DNAL1: variants seen among roughly 807,000 people sequenced by gnomAD.
The protein encoded by DNAL1 is dynein axonemal light chain 1, also known as chromosome 14 open reading frame 168.
Under a neutral mutation model 29.4 loss-of-function variants are expected in DNAL1, and 17 were observed. The observed-to-expected ratio is 0.58, with a 90% CI of 0.40 to 0.87. The LOEUF is 0.87. DNAL1 is among the 40% of genes least tolerant of loss of function. The probability of loss-of-function intolerance (pLI) is 0.00; values close to 1 mark genes in which losing one functional copy is unlikely to be tolerated. For missense variants in DNAL1, 188 were observed against 214.1 expected, an observed-to-expected ratio of 0.88 and a Z score of 0.76; for synonymous variants, 78 against 76.3, an observed-to-expected ratio of 1.02 and a Z score of -0.12.
chr14:73,695,007 T>C (rs1892269188), intron 7 of DNAL1, among the ~76,000 whole-genome samples: 1 of 150,020 alleles, frequency 6.7e-6, no homozygotes, highest in Admixed American at 6.7e-5. Context: ...GCTTTTAACA[T>C]GTACAGAACT....
intron 5 of DNAL1, among the ~76,000 whole-genome samples, chr14:73,678,227 G>A (rs1226770537): frequency 6.6e-6 from 1 of 151,580 alleles, no homozygotes; most frequent in Admixed American, 6.6e-5. Context: ...TAGTCATTTA[G>A]GTTTCATCTT....
chr14:73,657,029 C>T (rs1891233618), intron 2 of DNAL1, among the ~76,000 whole-genome samples: 1 of 151,662 alleles, frequency 6.6e-6, no homozygotes, highest in South Asian at 2.1e-4. Flanking sequence ...AGTGATCCTC[C>T]CTGCTCAGCC....
Position 73,668,008 on chromosome 14 carries a change from T to G in DNAL1, c.209-3534T>G, listed in dbSNP as rs114283506. Among the ~76,000 whole-genome samples the G allele has an allele frequency of 8.0e-3, 1,226 of 152,338 alleles. 24 individuals are homozygous for G. Among genetic ancestry groups the G allele is most frequent in the African/African-American group, 0.028 (1,162 of 41,570 alleles). On this transcript the variant is annotated intron_variant, in intron 4 of 7. Coordinates refer to ENST00000553645, the MANE Select transcript of DNAL1 (RefSeq NM_031427.4). Reference sequence around the variant, plus strand: ...ATTACTCTTCCTTCATTCTCTCAGCTTATGCGGTCCTGCCTCAAAGCCTTT... The same window carrying G: ...ATTACTCTTCCTTCATTCTCTCAGCGTATGCGGTCCTGCCTCAAAGCCTTT...
chr14:73,693,189 TA>T (rs1158558863), intron 7 of DNAL1, among the ~76,000 whole-genome samples: 2 of 152,128 alleles, frequency 1.3e-5, no homozygotes, highest in African/African-American at 4.8e-5. Context: ...TACCAAATGC[TA>T]GTGAGGATGT....
intron 6 of DNAL1, among the ~76,000 whole-genome samples, chr14:73,688,592 C>G (rs1892080775): frequency 6.6e-6 from 1 of 152,048 alleles, no homozygotes; most frequent in African/African-American, 2.4e-5. Context: ...CATTGCACTC[C>G]AGCCTGGGTG....
intron 5 of DNAL1, among the ~76,000 whole-genome samples, chr14:73,679,219 C>A (rs2140050332): frequency 6.6e-6 from 1 of 152,250 alleles, no homozygotes; most frequent in East Asian, 1.9e-4. Flanking sequence ...CTGGTCTGGA[C>A]TCCTGACCTT....
intron 7 of DNAL1, among the ~76,000 whole-genome samples, chr14:73,692,611 A>G (rs1474061236): frequency 1.5e-5 from 2 of 136,952 alleles, no homozygotes; most frequent in Admixed American, 7.1e-5. Flanking sequence ...GTGAGCCGAG[A>G]AAAAAAAAAA....
intron 4 of DNAL1, among the ~76,000 whole-genome samples, chr14:73,665,668 G>A (rs796661530): frequency 3.3e-5 from 5 of 152,114 alleles, no homozygotes; most frequent in African/African-American, 1.2e-4. Context: ...GCGTGCGCCT[G>A]TAATCCCAGC....
rs998776511 is a variant in DNAL1 at position 73,703,156 on chromosome 14, T to C, written c.*7214T>C. On this transcript the variant is annotated 3_prime_UTR_variant, in exon 8 of 8. Transcript: ENST00000553645. ...TTCTGAGTTTATACAAAGAAAGCCT[T>C]AATTCAGATCATAAATATCCCATTG... 6.6e-6 allele frequency: 1 copy of C among 152,184 alleles called. No individual in the cohort carries two copies. The highest frequency in any genetic ancestry group is 1.5e-5 in the Non-Finnish European group (1 of 68,032). 9.4% of individuals were successfully genotyped at this position (152,184 alleles called of 1,614,324 possible).
chr14:73,659,930 C>G (rs1280043381), intron 3 of DNAL1, among the ~76,000 whole-genome samples: 2 of 152,052 alleles, frequency 1.3e-5, no homozygotes, highest in African/African-American at 2.4e-5. Flanking sequence ...TAATTGGGAT[C>G]AAATTATACT....
chr14:73,662,143 C>T (rs952323797), intron 4 of DNAL1, 101 bp downstream of exon 4: 2 of 1,013,300 alleles, frequency 2.0e-6, no homozygotes, highest in Non-Finnish European at 3.0e-6. Flanking sequence ...CCTGTTTTAG[C>T]CATACTTGTT....
At chr14:73,654,118 G>A (rs560144388) in intron 1 of DNAL1, among the ~76,000 whole-genome samples, 4 of 152,210 alleles carry the variant, frequency 2.6e-5, no homozygotes, top group African/African-American at 9.6e-5. Context: ...TTTCACCACT[G>A]CCACCTACCC....
At chr14:73,650,843 A>G (rs1891097420) in intron 1 of DNAL1, among the ~76,000 whole-genome samples, 1 of 152,044 alleles carries the variant, frequency 6.6e-6, no homozygotes, top group South Asian at 2.1e-4. Context: ...GGGTCTTACT[A>G]TATTGCCTAG....
chr14:73,661,096 G>A (rs118177584), intron 3 of DNAL1, among the ~76,000 whole-genome samples: 10,272 of 151,946 alleles, frequency 0.068, 455 homozygotes, highest in South Asian at 0.12. Flanking sequence ...CCTGGGAGGC[G>A]GAGGTCGCAG....
intron 5 of DNAL1, among the ~76,000 whole-genome samples, chr14:73,674,569 TCTCA>T (rs1170962647): frequency 6.6e-6 from 1 of 152,128 alleles, no homozygotes; most frequent in African/African-American, 2.4e-5. Flanking sequence ...TTAGACGAGG[TCTCA>T]CTCTGTCACC....
intron 1 of DNAL1, among the ~76,000 whole-genome samples, chr14:73,648,806 C>T (rs1181069968): frequency 6.6e-6 from 1 of 151,208 alleles, no homozygotes; most frequent in Non-Finnish European, 1.5e-5. Context: ...TTTTTGTTTT[C>T]GAATTTTAGG....
At chr14:73,664,836 G>A (rs1281183025) in intron 4 of DNAL1, among the ~76,000 whole-genome samples, 2 of 151,650 alleles carry the variant, frequency 1.3e-5, no homozygotes, top group African/African-American at 4.8e-5. Flanking sequence ...ACTCCAGCCT[G>A]TGCAACAGAG....
At chr14:73,695,129 C>T (rs1892273131) in intron 7 of DNAL1, among the ~76,000 whole-genome samples, 1 of 141,734 alleles carries the variant, frequency 7.1e-6, no homozygotes, top group South Asian at 2.3e-4. Flanking sequence ...AATTACAGCT[C>T]ACCATAGCCT....
intron 7 of DNAL1, among the ~76,000 whole-genome samples, chr14:73,691,186 A>C (rs1003216417): frequency 6.6e-6 from 1 of 152,242 alleles, no homozygotes; most frequent in African/African-American, 2.4e-5. Flanking sequence ...AAAATAATCT[A>C]TGTGAAACAA....
Sources: gnomAD v4.1 joint callset for allele counts (sites outside exome capture counted in the v4.1 genomes callset) on GRCh38, gnomAD v4.1.1 for gene constraint, MANE v1.5 for transcripts, NCBI Gene and HGNC (gene_info 2026-07-23, HGNC 2026-07-21) for gene names.